The following SMURF1 variants were observed in gnomAD, a reference collection of about 807,000 sequenced individuals.
The protein encoded by SMURF1 is E3 ubiquitin-protein ligase SMURF1.
Under a neutral mutation model 98.0 loss-of-function variants are expected in SMURF1, and 44 were observed. The ratio of observed to expected loss-of-function variants is 0.45; its 90% CI spans 0.35 to 0.58. The LOEUF is 0.58. SMURF1 is among the 20% of genes least tolerant of loss of function. SMURF1 has a pLI of 0.00. For synonymous variants in SMURF1, 396 were observed against 374.9 expected, an observed-to-expected ratio of 1.06 and a Z score of -0.65; for missense variants, 687 against 938.4, an observed-to-expected ratio of 0.73 and a Z score of 3.50.
At position 99,040,570 on chromosome 7, in the gene SMURF1, CA is replaced by C. The variant is rs1563000117; in HGVS notation, c.1372-15del. The C allele has an allele frequency of 7.1e-7, 1 of 1,412,382 alleles. No homozygotes were observed. The highest frequency in any genetic ancestry group is 2.8e-5 in the Admixed American group (1 of 35,088). 87.5% of individuals were successfully genotyped at this position (1,412,382 alleles called of 1,614,324 possible). A position where few individuals can be genotyped will look rare whatever the true frequency, so the allele number is the denominator to read the frequency against. On this transcript the variant is annotated splice_polypyrimidine_tract_variant and intron_variant, in intron 12 of 17. Transcript: ENST00000361368. ...AGACAAGTGGTCCTGTAGGGGGCAC[CA>C]GAGAACACGAATTTGTCAGCATGGT...
At chr7:99,099,296 G>A (rs1298936068) in intron 1 of SMURF1, among the ~76,000 whole-genome samples, 5 of 150,740 alleles carry the variant, frequency 3.3e-5, no homozygotes, top group African/African-American at 1.2e-4. Flanking sequence ...GAGGCAGGAA[G>A]TTGACCTCTT....
chr7:99,049,469 G>T, intron 9 of SMURF1, 94 bp downstream of exon 9: 1 of 1,286,952 alleles, frequency 7.8e-7, no homozygotes, highest in Non-Finnish European at 1.1e-6. Context: ...TATCCAACCA[G>T]CAAGACAGTC....
At chr7:99,047,653 A>G in intron 10 of SMURF1, 31 bp downstream of exon 10, 1 of 1,608,064 alleles carries the variant, frequency 6.2e-7, no homozygotes, top group Non-Finnish European at 8.5e-7. Context: ...GTTTCTGAAC[A>G]GGGTCTGGGC....
chr7:99,054,399 C>T (rs752767397), intron 6 of SMURF1, among the ~76,000 whole-genome samples: 1 of 152,074 alleles, frequency 6.6e-6, no homozygotes, highest in African/African-American at 2.4e-5. Context: ...CCCCTCCTCC[C>T]GGGTTCAAGC....
chr7:99,037,274 G>A (rs953923262), intron 14 of SMURF1, 87 bp from the exon 15 acceptor site: 3 of 1,555,166 alleles, frequency 1.9e-6, no homozygotes, highest in Middle Eastern at 2.3e-4. Flanking sequence ...GTCTCACTCT[G>A]TCACCCAGGC....
chr7:99,037,500 A>G (rs898177708), intron 14 of SMURF1, among the ~76,000 whole-genome samples: 1 of 152,116 alleles, frequency 6.6e-6, no homozygotes, highest in Non-Finnish European at 1.5e-5. Flanking sequence ...CGGTCTCCCA[A>G]AGTGTTGGGA....
At chr7:99,116,191 A>C (rs1373500103) in intron 1 of SMURF1, among the ~76,000 whole-genome samples, 1 of 152,140 alleles carries the variant, frequency 6.6e-6, no homozygotes, top group African/African-American at 2.4e-5. Flanking sequence ...CCACAATATC[A>C]TCCAAATTGA....
intron 1 of SMURF1, among the ~76,000 whole-genome samples, chr7:99,131,614 C>T (rs1399196196): frequency 5.9e-5 from 9 of 152,038 alleles, no homozygotes; most frequent in Non-Finnish European, 1.3e-4. Flanking sequence ...CATGGTGGCT[C>T]ATGCTGAGGT....
intron 1 of SMURF1, among the ~76,000 whole-genome samples, chr7:99,132,605 G>A (rs1038084728): frequency 1.3e-5 from 2 of 152,078 alleles, no homozygotes; most frequent in Non-Finnish European, 2.9e-5. Context: ...TATCCCTGAG[G>A]TGATGATATT....
intron 13 of SMURF1, among the ~76,000 whole-genome samples, chr7:99,040,149 T>C (rs1205342852): frequency 6.6e-6 from 1 of 152,170 alleles, no homozygotes; most frequent in East Asian, 1.9e-4. Flanking sequence ...TTTTTTGCAG[T>C]AACGGGGTCT....
intron 1 of SMURF1, among the ~76,000 whole-genome samples, chr7:99,095,488 G>A (rs1310747194): frequency 6.6e-6 from 1 of 152,208 alleles, no homozygotes; most frequent in East Asian, 1.9e-4. Flanking sequence ...GTTTTTGCTA[G>A]TAGTTACCAA....
At chr7:99,143,146 C>T (rs1291882537) in intron 1 of SMURF1, among the ~76,000 whole-genome samples, 5 of 39,726 alleles carry the variant, frequency 1.3e-4, no homozygotes, top group African/African-American at 4.1e-4. Context: ...AGTTAGGAGG[C>T]GGGAGCAGAG....
chr7:99,137,190 G>C (rs1298364110), intron 1 of SMURF1, among the ~76,000 whole-genome samples: 1 of 151,994 alleles, frequency 6.6e-6, no homozygotes, highest in Non-Finnish European at 1.5e-5. Context: ...GGCTATTTAG[G>C]AATAAGACAT....
chr7:99,067,415 A>G (rs889771551), intron 1 of SMURF1, among the ~76,000 whole-genome samples: 3 of 152,082 alleles, frequency 2.0e-5, no homozygotes, highest in African/African-American at 7.2e-5. Flanking sequence ...GTGTGGACCA[A>G]TGCATGTTTT....
chr7:99,138,109 A>C (rs77789618), intron 1 of SMURF1, among the ~76,000 whole-genome samples: 8 of 3,198 alleles, frequency 2.5e-3, no homozygotes, highest in East Asian at 0.021. Context: ...TTCAGTGACA[A>C]AAAAAAAAAA....
At chr7:99,101,320 T>A (rs1797075231) in intron 1 of SMURF1, among the ~76,000 whole-genome samples, 1 of 152,116 alleles carries the variant, frequency 6.6e-6, no homozygotes, top group African/African-American at 2.4e-5. Context: ...TGTAGTGAGC[T>A]ATGATTGCAC....
In SMURF1 at chr7:99,089,333, G is replaced by GT. The variant is rs561898163; in HGVS notation, c.56-27497dup. ...ATTCAAATTGAATCCTTAAAATACAGTTTTTTTATTTTAAAAACTGTATTT... is the reference window on the plus strand; with the variant it reads ...ATTCAAATTGAATCCTTAAAATACAGTTTTTTTTATTTTAAAAACTGTATTT... On this transcript the variant is annotated intron_variant, in intron 1 of 17. Transcript: ENST00000361368. Among the ~76,000 whole-genome samples the GT allele has an allele frequency of 2.3e-4, 35 of 151,330 alleles. No individual in the cohort carries two copies. In the South Asian group the frequency reaches 6.5e-3, roughly 28 times the overall value.
chr7:99,064,311 C>G (rs1002875753), intron 1 of SMURF1, among the ~76,000 whole-genome samples: 2 of 152,182 alleles, frequency 1.3e-5, no homozygotes, highest in Non-Finnish European at 2.9e-5. Flanking sequence ...CCTCCTCCTC[C>G]TCGTCTTTTT....
At chr7:99,076,392 G>T (rs879264800) in intron 1 of SMURF1, among the ~76,000 whole-genome samples, 2 of 152,222 alleles carry the variant, frequency 1.3e-5, no homozygotes, top group Non-Finnish European at 2.9e-5. Flanking sequence ...GACAGGACCC[G>T]ATGAGAATGG....
Sources: gnomAD v4.1 joint callset for allele counts (sites outside exome capture counted in the v4.1 genomes callset) on GRCh38, gnomAD v4.1.1 for gene constraint, MANE v1.5 for transcripts, NCBI Gene and HGNC (gene_info 2026-07-23, HGNC 2026-07-21) for gene names.